The following CELSR1 variants were observed in gnomAD, a reference collection of about 807,000 sequenced individuals.
CELSR1 encodes cadherin EGF LAG seven-pass G-type receptor 1.
Under a neutral mutation model 249.1 loss-of-function variants are expected in CELSR1, and 110 were observed. The ratio of observed to expected loss-of-function variants is 0.44; its 90% CI spans 0.38 to 0.52. CELSR1 has a LOEUF of 0.52. Ranked by LOEUF, CELSR1 falls within the 20% of genes least tolerant of loss-of-function variation. The pLI is 0.00. For synonymous variants in CELSR1, 2,113 were observed against 1,900.0 expected, an observed-to-expected ratio of 1.11 and a Z score of -2.92; for missense variants, 4,109 against 4,296.4, an observed-to-expected ratio of 0.96 and a Z score of 1.22.
At chr22:46,421,563 C>T (rs1409328729) in intron 5 of CELSR1, among the ~76,000 whole-genome samples, 1 of 152,190 alleles carries the variant, frequency 6.6e-6, no homozygotes, top group Non-Finnish European at 1.5e-5. Flanking sequence ...TTATCTGTCA[C>T]ATCACATAGC....
intron 28 of CELSR1, 114 bp downstream of exon 28, chr22:46,367,615 C>G (rs1011810401): frequency 1.8e-4 from 260 of 1,432,792 alleles, no homozygotes; most frequent in Non-Finnish European, 2.4e-4. Flanking sequence ...GGCCCCCACG[C>G]GGGACCCAGG....
rs538308659 is a variant in CELSR1, at chr22:46,429,256, T to C, written c.4611+4137A>G. On this transcript the variant is annotated intron_variant, in intron 5 of 34. Transcript: ENST00000674500. This position sits in a 1 kb window ranked among gnomAD's most constrained non-coding sequence, Gnocchi z 4.1. ...TTAAGCATAATGAGGGCAAAACCGA[T>C]TCTCAAGTGGGGAGAACGTTTTCCG... Among the ~76,000 whole-genome samples, 2 of 152,164 alleles carry C rather than the reference T, an allele frequency of 1.3e-5. No homozygotes were observed. The highest frequency in any genetic ancestry group is 2.9e-5 in the Non-Finnish European group (2 of 68,036).
rs2079629757 is a variant in CELSR1 at position 46,434,116 on chromosome 22, C to T, written c.4523-635G>A. Among the ~76,000 whole-genome samples, 1 of 152,260 alleles carries T rather than the reference C, an allele frequency of 6.6e-6. No homozygotes were observed. The highest frequency in any genetic ancestry group is 2.1e-4 in the South Asian group (1 of 4,834). ...ATTGCATCAACGTAGACAAAATCAT[C>T]AAAACCAATTCCACTTTAGGTCACT... On this transcript the variant is annotated intron_variant, in intron 4 of 34. Transcript: ENST00000674500. This position sits in a 1 kb window ranked among gnomAD's most constrained non-coding sequence, Gnocchi z 4.9.
chr22:46,440,386 A>C lies in CELSR1; in HGVS notation c.4184-975T>G, dbSNP rs1249395448. 6.6e-6 allele frequency among the ~76,000 whole-genome samples: 1 copy of C among 152,182 alleles called. No individual in the cohort carries two copies. Among genetic ancestry groups the C allele is most frequent in the Non-Finnish European group, 1.5e-5 (1 of 68,028 alleles). On this transcript the variant is annotated intron_variant, in intron 2 of 34. Transcript: ENST00000674500. This position sits in a 1 kb window ranked among gnomAD's most constrained non-coding sequence, Gnocchi z 4.7. ...GGCTAATTTTTTGTATTTTTAGTAGAGACGGGGATTCACCGTGTTAGCCAG... is the reference window on the plus strand; with the variant it reads ...GGCTAATTTTTTGTATTTTTAGTAGCGACGGGGATTCACCGTGTTAGCCAG...
rs938799511 is a variant in CELSR1 at position 46,412,433 on chromosome 22, G to A, written c.4612-674C>T. The stretch of plus-strand genomic sequence containing the variant: ...CTGACCACGGCACCTGGCCAGGTTC[G>A]TGCTCCTGGAGTACAGACACCAGGA... On this transcript the variant is annotated intron_variant, in intron 5 of 34. Transcript: ENST00000674500. This position sits in a 1 kb window ranked among gnomAD's most constrained non-coding sequence, Gnocchi z 4.5. Among the ~76,000 whole-genome samples the A allele has an allele frequency of 2.0e-5, 3 of 152,228 alleles. No homozygotes were observed. Among genetic ancestry groups the A allele is most frequent in the Admixed American group, 6.5e-5 (1 of 15,300 alleles).
intron 25 of CELSR1, 165 bp from the exon 26 acceptor site, chr22:46,369,969 T>C: frequency 1.5e-6 from 1 of 683,284 alleles, no homozygotes; most frequent in Non-Finnish European, 2.7e-6. Flanking sequence ...CCAAGCACAG[T>C]CTCTCCGTGT....
Position 46,399,811 on chromosome 22 carries a change from T to A in CELSR1, c.5318A>T (p.Glu1773Val). The A allele has an allele frequency of 6.2e-7, 1 of 1,614,008 alleles. No homozygotes were observed. Among genetic ancestry groups the A allele is most frequent in the Admixed American group, 1.7e-5 (1 of 59,994 alleles). The change falls in exon 10 of 35, where the codon GAG becomes GTG. Residue 1773 changes from glutamate (E) to valine (V), a missense_variant. By Grantham distance (121) the Glu-to-Val change is moderately radical. Transcript: ENST00000674500. This position sits in a 1 kb window ranked among gnomAD's most constrained non-coding sequence, Gnocchi z 5.0. ...MLSGLRVTDG[E>V]WHHLLIELKN... is the part of the protein sequence containing the mutation. ...CAGCTCGATCAGCAGGTGGTGCCAC[T>A]CCCCGTCGGTCACCCGCAACCCGGA...
Position 46,391,497 on chromosome 22 carries a change from A to T in CELSR1, c.6148+136T>A. On this transcript the variant is annotated intron_variant, in intron 15 of 34. Coordinates refer to ENST00000674500, the MANE Select transcript of CELSR1 (RefSeq NM_001378328.1). This position sits in a 1 kb window ranked among gnomAD's most constrained non-coding sequence, Gnocchi z 4.3. The stretch of plus-strand genomic sequence containing the variant: ...CCCCCTCACGCAGAACCAGGTTTCT[A>T]GAAGGTCAAGAGAACTCAGAACACG... The T allele has an allele frequency of 1.8e-6, 2 of 1,112,086 alleles. No homozygotes were observed. The highest frequency in any genetic ancestry group is 1.2e-6 in the Non-Finnish European group (1 of 804,186). The allele number at this position is 1,112,086 out of a possible 1,614,324, so 68.9% of individuals were successfully genotyped here.
rs376451609 is a variant in CELSR1 at position 46,411,384 on chromosome 22, C to T, written c.4769+218G>A. ...AAGCTGGCCATCACAACCCTGGGGTCGGCCTGGCCACTCTTGACACATACT... is the reference window on the plus strand; with the variant it reads ...AAGCTGGCCATCACAACCCTGGGGTTGGCCTGGCCACTCTTGACACATACT... On this transcript the variant is annotated intron_variant, in intron 6 of 34. Transcript: ENST00000674500. The surrounding 1 kb of genome is among the most constrained non-coding windows in gnomAD (Gnocchi z 4.2). Among the ~76,000 whole-genome samples, 8 of 152,288 alleles carry T rather than the reference C, an allele frequency of 5.3e-5. No homozygotes were observed. In the East Asian group the frequency reaches 9.6e-4, roughly 18 times the overall value.
rs1210926253 is a variant in CELSR1, at chr22:46,399,854, C to A, written c.5275G>T (p.Val1759Leu). ...QFEVSHGPSD[V>L]ESVMLSGLRV... Reference sequence around the variant, plus strand: ...AACCCGGACAGCATCACGGACTCCACATCGGAGGGGCCGTGGGACACCTCA... The same window carrying A: ...AACCCGGACAGCATCACGGACTCCAAATCGGAGGGGCCGTGGGACACCTCA... Residue 1759 changes from valine to leucine, a missense_variant, in exon 10 of 35, where the codon GTG becomes TTG. Val to Leu is a conservative substitution (Grantham distance 32, BLOSUM62 1). Coordinates refer to ENST00000674500, the MANE Select transcript of CELSR1 (RefSeq NM_001378328.1). This position sits in a 1 kb window ranked among gnomAD's most constrained non-coding sequence, Gnocchi z 5.0. 1.2e-6 allele frequency: 2 copies of A among 1,614,164 alleles called. No individual in the cohort carries two copies. Among genetic ancestry groups the A allele is most frequent in the East Asian group, 2.2e-5 (1 of 44,884 alleles).
chr22:46,387,080 A>C (rs2079041809), intron 18 of CELSR1, among the ~76,000 whole-genome samples: 1 of 152,090 alleles, frequency 6.6e-6, no homozygotes, highest in African/African-American at 2.4e-5. Context: ...ATTTTTTCAA[A>C]AAGTTTATCT....
intron 1 of CELSR1, among the ~76,000 whole-genome samples, chr22:46,507,298 G>A (rs1197761994): frequency 2.6e-5 from 4 of 152,164 alleles, no homozygotes; most frequent in Admixed American, 2.6e-4. Context: ...ACGGCTGGGG[G>A]GCCTCCGTCC....
At chr22:46,462,325 A>C (rs1019102891) in intron 2 of CELSR1, among the ~76,000 whole-genome samples, 5 of 152,182 alleles carry the variant, frequency 3.3e-5, no homozygotes, top group African/African-American at 1.2e-4. Context: ...GAGCGCAGGA[A>C]GTCAGAGCCG....
Position 46,381,270 on chromosome 22 carries a change from A to C in CELSR1, c.7089-315T>G, listed in dbSNP as rs16995158. Among the ~76,000 whole-genome samples the C allele has an allele frequency of 0.045, 6,889 of 152,298 alleles. 525 individuals are homozygous for C. The highest frequency in any genetic ancestry group is 0.15 in the African/African-American group (6,406 of 41,540). On this transcript the variant is annotated intron_variant, in intron 21 of 34. Coordinates refer to ENST00000674500, the MANE Select transcript of CELSR1 (RefSeq NM_001378328.1). The surrounding 1 kb of genome is among the most constrained non-coding windows in gnomAD (Gnocchi z 6.0). ...TGGCAGAATCACAGGGGATGGTTTC[A>C]GTGTCCAGCAAAAGACACCAAAATA...
chr22:46,403,971 CA>C (rs756055741), intron 9 of CELSR1, among the ~76,000 whole-genome samples: 643 of 48,406 alleles, frequency 0.013, 2 homozygotes, highest in African/African-American at 0.035. Context: ...AACTCCGTCT[CA>C]AAAAAAAAAA....
In CELSR1 at chr22:46,412,469, C is replaced by T. The variant is rs942799339; in HGVS notation, c.4612-710G>A. Among the ~76,000 whole-genome samples, 4 of 152,150 alleles carry T rather than the reference C, an allele frequency of 2.6e-5. No individual in the cohort carries two copies. The highest frequency in any genetic ancestry group is 6.5e-5 in the Admixed American group (1 of 15,292). On this transcript the variant is annotated intron_variant, in intron 5 of 34. Coordinates refer to ENST00000674500, the MANE Select transcript of CELSR1 (RefSeq NM_001378328.1). The surrounding 1 kb of genome is among the most constrained non-coding windows in gnomAD (Gnocchi z 4.5). ...GTACAGACACCAGGAGGCCACTGCC[C>T]GGCCTGCAGACGGCCCCACATCTCC...
intron 11 of CELSR1, 135 bp from the exon 12 acceptor site, chr22:46,397,983 G>A (rs2147278741): frequency 4.9e-6 from 4 of 816,186 alleles, no homozygotes; most frequent in South Asian, 3.3e-5. Context: ...GCTGGGGCGG[G>A]CAGGGTTGTT....
rs771229247 is a variant in CELSR1, at chr22:46,439,170, C to T, written c.4406+19G>A. ...TTCCTAAAGAGACCCCCGTGTGGCGCGGCGGGACGCACACTCACGTGAGGG... is the reference window on the plus strand; with the variant it reads ...TTCCTAAAGAGACCCCCGTGTGGCGTGGCGGGACGCACACTCACGTGAGGG... On this transcript the variant is annotated intron_variant, in intron 3 of 34. Coordinates refer to ENST00000674500, the MANE Select transcript of CELSR1 (RefSeq NM_001378328.1). 16 of 1,602,578 alleles carry T rather than the reference C, an allele frequency of 1.0e-5. No homozygotes were observed. Among genetic ancestry groups the T allele is most frequent in the East Asian group, 6.7e-5 (3 of 44,678 alleles).
intron 9 of CELSR1, among the ~76,000 whole-genome samples, chr22:46,400,678 G>A (rs913323217): frequency 9.9e-5 from 15 of 152,132 alleles, no homozygotes; most frequent in African/African-American, 3.1e-4. Context: ...TTGGCTGGGC[G>A]TGGTGGCTCA....
Sources: allele counts gnomAD v4.1 joint callset (sites outside exome capture counted in the v4.1 genomes callset), GRCh38; gene constraint gnomAD v4.1.1; non-coding constraint Gnocchi (gnomAD v3.1); transcripts MANE v1.5; gene names NCBI Gene and HGNC (gene_info 2026-07-23, HGNC 2026-07-21).